ADARB2: variants seen among roughly 807,000 people sequenced by gnomAD.
ADARB2 encodes the protein inactive double-stranded RNA-specific editase B2.
Under a neutral mutation model 62.2 loss-of-function variants are expected in ADARB2, and 25 were observed. The observed-to-expected ratio is 0.40, with a 90% CI of 0.29 to 0.56. The LOEUF (loss-of-function observed/expected upper bound fraction) is 0.56. ADARB2 is among the 20% of genes least tolerant of loss of function. ADARB2 has a pLI of 0.43. For missense variants in ADARB2, 1,071 were observed against 1,077.4 expected (o/e 0.99, Z 0.08); for synonymous variants, 572 against 500.8 (o/e 1.14, Z -1.90).
intron 1 of ADARB2, among the ~76,000 whole-genome samples, chr10:1,453,712 AAAG>A (rs767494974): frequency 2.0e-5 from 3 of 152,210 alleles, no homozygotes; most frequent in African/African-American, 7.2e-5. Context: ...ACGTTTCTCC[AAAG>A]AAGGTAAACA....
rs1366986126 is a variant in ADARB2, at chr10:1,180,966, G to C, written c.*2227C>G. On this transcript the variant is annotated 3_prime_UTR_variant, in exon 10 of 10. Coordinates refer to ENST00000381312, the MANE Select transcript of ADARB2 (RefSeq NM_018702.4). Reference sequence around the variant, plus strand: ...CAAAACGAATCCCAACCCCCCAGCTGTGGCTTCATGATGCTGGCCACTGGG... The same window carrying C: ...CAAAACGAATCCCAACCCCCCAGCTCTGGCTTCATGATGCTGGCCACTGGG... 1 of 152,254 alleles carries C rather than the reference G, an allele frequency of 6.6e-6. No homozygotes were observed. The highest frequency in any genetic ancestry group is 1.5e-5 in the Non-Finnish European group (1 of 68,058). The allele number at this position is 152,254 out of a possible 1,614,324, so 9.4% of individuals were successfully genotyped here.
chr10:1,510,160 C>CT (rs141258916), intron 1 of ADARB2, among the ~76,000 whole-genome samples: 1 of 112,440 alleles, frequency 8.9e-6, no homozygotes, highest in Non-Finnish European at 1.9e-5. Flanking sequence ...TTCTTTCTTT[C>CT]TTTCTTTCTT....
At chr10:1,220,736 T>G (rs1342483306) in intron 6 of ADARB2, among the ~76,000 whole-genome samples, 2 of 152,244 alleles carry the variant, frequency 1.3e-5, no homozygotes, top group Non-Finnish European at 2.9e-5. Context: ...ATCTTGAAAG[T>G]TGCCTATTAT....
At chr10:1,584,200 C>A (rs565192764) in intron 1 of ADARB2, among the ~76,000 whole-genome samples, 9 of 151,982 alleles carry the variant, frequency 5.9e-5, no homozygotes, top group Non-Finnish European at 1.2e-4. Flanking sequence ...GAATGCATAC[C>A]ATAGATTAGG....
chr10:1,480,436 C>A (rs559711064), intron 1 of ADARB2, among the ~76,000 whole-genome samples: 1 of 152,202 alleles, frequency 6.6e-6, no homozygotes, highest in Non-Finnish European at 1.5e-5. Context: ...TGGTGGCTCA[C>A]GCCTGTAATC....
chr10:1,736,722 G>C (rs1835306875), intron 1 of ADARB2, among the ~76,000 whole-genome samples: 1 of 152,214 alleles, frequency 6.6e-6, no homozygotes. Flanking sequence ...GAGGGTGGAA[G>C]GCAGTGCCAG....
intron 6 of ADARB2, among the ~76,000 whole-genome samples, chr10:1,229,767 CAT>C (rs1589158609): frequency 4.0e-5 from 1 of 24,738 alleles, no homozygotes; most frequent in South Asian, 1.3e-3. Context: ...CATGTGTGCA[CAT>C]ATGTGCTTCT....
rs548218685 is a variant in ADARB2 at position 1,251,078 on chromosome 10, A to G, written c.1193-8779T>C. Among the ~76,000 whole-genome samples the G allele has an allele frequency of 1.5e-3, 231 of 152,382 alleles. 1 individual carries two copies. Among genetic ancestry groups the G allele is most frequent in the Middle Eastern group, 3.4e-3 (1 of 294 alleles). On this transcript the variant is annotated intron_variant, in intron 4 of 9. Coordinates refer to ENST00000381312, the MANE Select transcript of ADARB2 (RefSeq NM_018702.4). ...ATCTTTATCTGACACCATGTACCAG[A>G]GTAAATTCCAAATTGATCAATGTTT...
intron 6 of ADARB2, among the ~76,000 whole-genome samples, chr10:1,232,188 GCACACATAGCA>G (rs1489180690): frequency 1.3e-5 from 2 of 149,940 alleles, no homozygotes; most frequent in Admixed American, 6.6e-5. Flanking sequence ...CACACACACC[GCACACATAGCA>G]CACACACCAC....
chr10:1,202,907 C>T (rs1436425378), intron 7 of ADARB2, among the ~76,000 whole-genome samples: 1 of 152,216 alleles, frequency 6.6e-6, no homozygotes, highest in African/African-American at 2.4e-5. Context: ...TGTGATGCTG[C>T]AGGACCGTCG....
chr10:1,259,709 T>G, intron 4 of ADARB2, among the ~76,000 whole-genome samples: 1 of 152,214 alleles, frequency 6.6e-6, no homozygotes, highest in Non-Finnish European at 1.5e-5. Flanking sequence ...ACAGCCGAAT[T>G]CTACCAGAGG....
At chr10:1,303,995 TA>T (rs1831600920) in intron 3 of ADARB2, among the ~76,000 whole-genome samples, 1 of 152,110 alleles carries the variant, frequency 6.6e-6, no homozygotes, top group Admixed American at 6.5e-5. Context: ...GCTAACATCA[TA>T]ATGACAGGAT....
chr10:1,430,766 A>G (rs905400461), intron 1 of ADARB2, among the ~76,000 whole-genome samples: 3 of 152,162 alleles, frequency 2.0e-5, no homozygotes, highest in Non-Finnish European at 4.4e-5. Flanking sequence ...GAGTGTCTAT[A>G]TGAAATTATA....
intron 1 of ADARB2, among the ~76,000 whole-genome samples, chr10:1,453,926 T>C (rs1831067532): frequency 6.6e-6 from 1 of 152,168 alleles, no homozygotes; most frequent in African/African-American, 2.4e-5. Context: ...TGTGGCTATT[T>C]TCAGAAAATT....
intron 1 of ADARB2, among the ~76,000 whole-genome samples, chr10:1,401,819 G>T (rs1045031967): frequency 1.3e-5 from 2 of 152,166 alleles, no homozygotes; most frequent in Admixed American, 6.5e-5. Flanking sequence ...GGCCTGGGGA[G>T]CGGTTCCCAA....
intron 2 of ADARB2, among the ~76,000 whole-genome samples, chr10:1,364,177 G>A (rs938473818): frequency 6.6e-6 from 1 of 152,228 alleles, no homozygotes; most frequent in Non-Finnish European, 1.5e-5. Flanking sequence ...TGTTTTAAGT[G>A]AGGCTGTGTC....
intron 7 of ADARB2, among the ~76,000 whole-genome samples, chr10:1,204,621 G>A (rs773645204): frequency 2.6e-5 from 4 of 152,162 alleles, no homozygotes; most frequent in Non-Finnish European, 5.9e-5. Flanking sequence ...GGCTCCTGCC[G>A]GCCTCACCCG....
intron 1 of ADARB2, among the ~76,000 whole-genome samples, chr10:1,429,568 C>T (rs1245407705): frequency 6.6e-6 from 1 of 152,206 alleles, no homozygotes; most frequent in Non-Finnish European, 1.5e-5. Flanking sequence ...CTCTCTGGTA[C>T]ACACATGAAG....
intron 7 of ADARB2, among the ~76,000 whole-genome samples, chr10:1,206,888 C>A (rs1277110005): frequency 6.6e-6 from 1 of 152,208 alleles, no homozygotes; most frequent in African/African-American, 2.4e-5. Context: ...CCGGGTCCCC[C>A]CAGGAACTGG....
Sources: allele counts gnomAD v4.1 joint callset (sites outside exome capture counted in the v4.1 genomes callset), GRCh38; gene constraint gnomAD v4.1.1; transcripts MANE v1.5; gene names NCBI Gene and HGNC (gene_info 2026-07-23, HGNC 2026-07-21).